CDK19: variants seen among roughly 807,000 people sequenced by gnomAD.
CDK19 encodes the protein cyclin dependent kinase 19.
Under a neutral mutation model 68.3 loss-of-function variants are expected in CDK19, and 20 were observed. The observed-to-expected ratio is 0.29, with a 90% confidence interval of 0.21 to 0.43. CDK19 has a LOEUF of 0.43. Among genes scored for constraint, CDK19 ranks in the 20% least tolerant of loss-of-function variants. The pLI is 1.00. For missense variants in CDK19, 339 were observed against 623.5 expected (o/e 0.54, Z 4.86); for synonymous variants, 221 against 222.8 (o/e 0.99, Z 0.07).
intron 1 of CDK19, among the ~76,000 whole-genome samples, chr6:110,796,877 G>A (rs779317431): frequency 1.3e-5 from 2 of 151,448 alleles, no homozygotes; most frequent in South Asian, 2.1e-4. Context: ...AGGCGTGGTG[G>A]CACACACCTG....
chr6:110,676,349 A>G (rs1225188671), intron 2 of CDK19, among the ~76,000 whole-genome samples: 1 of 152,250 alleles, frequency 6.6e-6, no homozygotes, highest in African/African-American at 2.4e-5. Context: ...AAGATGCTGT[A>G]AACACCACTG....
At chr6:110,641,147 G>T (rs1780132051) in intron 4 of CDK19, among the ~76,000 whole-genome samples, 1 of 151,324 alleles carries the variant, frequency 6.6e-6, no homozygotes, top group Admixed American at 6.6e-5. Flanking sequence ...GATGAGATTG[G>T]TTCACCATAC....
intron 2 of CDK19, among the ~76,000 whole-genome samples, chr6:110,680,688 G>A (rs1166775120): frequency 1.3e-5 from 2 of 152,196 alleles, no homozygotes; most frequent in East Asian, 3.9e-4. Flanking sequence ...AGACTATAAC[G>A]TTGTGATATA....
At position 110,621,949 on chromosome 6, in the gene CDK19, C is replaced by A; in HGVS notation, c.1110+139G>T. 2.0e-6 allele frequency: 1 copy of A among 497,558 alleles called. No homozygotes were observed. Among genetic ancestry groups the A allele is most frequent in the Admixed American group, 3.7e-5 (1 of 27,074 alleles). 30.8% of individuals were successfully genotyped at this position (497,558 alleles called of 1,614,324 possible). A position where few individuals can be genotyped will look rare whatever the true frequency, so the allele number is the denominator to read the frequency against. On this transcript the variant is annotated intron_variant, in intron 11 of 12. Transcript: ENST00000368911. The surrounding 1 kb of genome is among the most constrained non-coding windows in gnomAD (Gnocchi z 5.4). ...GGTACCTTTACAATCCCCAAACTTCCACAGAAAATAAGATACATTCAAATT... is the reference window on the plus strand; with the variant it reads ...GGTACCTTTACAATCCCCAAACTTCAACAGAAAATAAGATACATTCAAATT...
At chr6:110,719,065 T>G (rs1775627267) in intron 2 of CDK19, among the ~76,000 whole-genome samples, 1 of 151,904 alleles carries the variant, frequency 6.6e-6, no homozygotes, top group South Asian at 2.1e-4. Context: ...TTAGAAAGAG[T>G]ATAAGTCATT....
intron 12 of CDK19, among the ~76,000 whole-genome samples, chr6:110,620,764 C>CACT (rs1374092132): frequency 6.6e-6 from 1 of 151,986 alleles, no homozygotes; most frequent in East Asian, 1.9e-4. Flanking sequence ...AGTAAGACAC[C>CACT]ACTCCCCTTC....
chr6:110,611,403 G>C lies in CDK19; in HGVS notation c.*3132C>G, dbSNP rs1192519584. Reference sequence around the variant, plus strand: ...TTTCAAAGAGAAATGCCATCATTTGGGGACCACAAAGGTAAAGTTTGCCCT... The same window carrying C: ...TTTCAAAGAGAAATGCCATCATTTGCGGACCACAAAGGTAAAGTTTGCCCT... On this transcript the variant is annotated 3_prime_UTR_variant, in exon 13 of 13. Coordinates refer to ENST00000368911, the MANE Select transcript of CDK19 (RefSeq NM_015076.5). 6.6e-6 allele frequency: 1 copy of C among 152,216 alleles called. No homozygotes were observed. The highest frequency in any genetic ancestry group is 1.5e-5 in the Non-Finnish European group (1 of 68,052). The allele number at this position is 152,216 out of a possible 1,614,324, so 9.4% of individuals were successfully genotyped here.
intron 4 of CDK19, chr6:110,643,148 C>G (rs1282069156): frequency 5.5e-6 from 7 of 1,263,340 alleles, no homozygotes; most frequent in African/African-American, 1.5e-5. Flanking sequence ...CTAGATGCTA[C>G]CAGTAGAAGC....
chr6:110,670,572 T>C (rs758282642), intron 2 of CDK19, 31 bp from the exon 3 acceptor site: 10 of 1,275,904 alleles, frequency 7.8e-6, no homozygotes, highest in Admixed American at 1.7e-5. Flanking sequence ...GGGGTCACTG[T>C]TGTGTTAGCA....
intron 2 of CDK19, among the ~76,000 whole-genome samples, chr6:110,694,833 T>C (rs1007719431): frequency 6.6e-6 from 1 of 152,146 alleles, no homozygotes; most frequent in Non-Finnish European, 1.5e-5. Flanking sequence ...AAATTGGAAA[T>C]TGGCTGGGCA....
intron 2 of CDK19, among the ~76,000 whole-genome samples, chr6:110,707,468 G>C (rs1056467351): frequency 1.3e-5 from 2 of 152,010 alleles, no homozygotes; most frequent in African/African-American, 4.8e-5. Flanking sequence ...TGTTTTACCA[G>C]GATACAGATC....
intron 4 of CDK19, among the ~76,000 whole-genome samples, chr6:110,663,790 G>A (rs1160130275): frequency 1.3e-5 from 2 of 152,046 alleles, no homozygotes; most frequent in African/African-American, 2.4e-5. Context: ...CTTGGCCTCC[G>A]AACATGCTGA....
At chr6:110,789,811 T>C (rs1182658700) in intron 1 of CDK19, among the ~76,000 whole-genome samples, 6 of 152,218 alleles carry the variant, frequency 3.9e-5, no homozygotes, top group Non-Finnish European at 8.8e-5. Context: ...ACACACCTAA[T>C]TTTTTCTTAA....
chr6:110,692,274 C>T (rs906543519), intron 2 of CDK19, among the ~76,000 whole-genome samples: 2 of 146,554 alleles, frequency 1.4e-5, no homozygotes, highest in African/African-American at 5.1e-5. Flanking sequence ...AGCCTGGTGA[C>T]AGAGTGAGAC....
intron 1 of CDK19, among the ~76,000 whole-genome samples, chr6:110,749,720 C>T (rs973818955): frequency 6.6e-6 from 1 of 151,828 alleles, no homozygotes; most frequent in African/African-American, 2.4e-5. Context: ...AAAAAGCACA[C>T]ATCTGTGCAA....
rs1778070374 is a variant in CDK19 at position 110,612,326 on chromosome 6, G to A, written c.*2209C>T. On this transcript the variant is annotated 3_prime_UTR_variant, in exon 13 of 13. Coordinates refer to ENST00000368911, the MANE Select transcript of CDK19 (RefSeq NM_015076.5). ...TCAAAGATACGTCAATGCCTTTTGT[G>A]ATATTGAATCACTGGCTTTCTCTAA... The A allele has an allele frequency of 6.6e-6, 1 of 152,582 alleles. No homozygotes were observed. Among genetic ancestry groups the A allele is most frequent in the African/African-American group, 2.4e-5 (1 of 41,442 alleles). The allele number at this position is 152,582 out of a possible 1,614,324, so 9.5% of individuals were successfully genotyped here.
chr6:110,720,536 AC>A (rs1434208588), intron 2 of CDK19, among the ~76,000 whole-genome samples: 2 of 152,188 alleles, frequency 1.3e-5, no homozygotes, highest in East Asian at 3.9e-4. Context: ...CTGTTAAACG[AC>A]AAAAAAGAGA....
At chr6:110,629,343 G>A (rs1779293530) in intron 6 of CDK19, among the ~76,000 whole-genome samples, 1 of 152,010 alleles carries the variant, frequency 6.6e-6, no homozygotes. Context: ...TTGTTCTCCT[G>A]ACACACCCAT....
chr6:110,780,523 T>TA (rs1268005921), intron 1 of CDK19, among the ~76,000 whole-genome samples: 4 of 152,080 alleles, frequency 2.6e-5, no homozygotes, highest in African/African-American at 9.7e-5. Context: ...CGGTAATACT[T>TA]AAACTTCCTA....
Sources: allele counts gnomAD v4.1 joint callset (sites outside exome capture counted in the v4.1 genomes callset), GRCh38; gene constraint gnomAD v4.1.1; non-coding constraint Gnocchi (gnomAD v3.1); transcripts MANE v1.5; gene names NCBI Gene and HGNC (gene_info 2026-07-23, HGNC 2026-07-21).